The following RNF150 variants were observed in gnomAD, a reference collection of about 807,000 sequenced individuals.
RNF150 encodes the protein ring finger protein 150.
RNF150 carries 24 observed loss-of-function variants against 39.3 expected under a neutral mutation model. The ratio of observed to expected loss-of-function variants is 0.61; its 90% confidence interval spans 0.44 to 0.86. The LOEUF is 0.86. RNF150 is among the 40% of genes least tolerant of loss of function. The pLI is 0.00. For synonymous variants in RNF150, 255 were observed against 227.3 expected, an observed-to-expected ratio of 1.12 and a Z score of -1.10; for missense variants, 502 against 587.8, an observed-to-expected ratio of 0.85 and a Z score of 1.51.
At chr4:140,969,515 T>C (rs947269851) in intron 1 of RNF150, among the ~76,000 whole-genome samples, 2 of 152,142 alleles carry the variant, frequency 1.3e-5, no homozygotes, top group African/African-American at 2.4e-5. Context: ...GTTTTGTCTC[T>C]AAAGAAACAT....
At chr4:141,006,948 T>C (rs912476669) in intron 1 of RNF150, among the ~76,000 whole-genome samples, 4 of 152,326 alleles carry the variant, frequency 2.6e-5, no homozygotes, top group Middle Eastern at 3.4e-3. Flanking sequence ...AATATAGATA[T>C]CTGTAAGAAA....
At chr4:140,927,292 C>T (rs1282112481) in intron 4 of RNF150, among the ~76,000 whole-genome samples, 1 of 152,168 alleles carries the variant, frequency 6.6e-6, no homozygotes, top group Non-Finnish European at 1.5e-5. Context: ...TGAAGATGCC[C>T]TGCAGATTTA....
chr4:141,139,180 C>CT (rs1408248106), intron 1 of RNF150, among the ~76,000 whole-genome samples: 1 of 152,184 alleles, frequency 6.6e-6, no homozygotes, highest in Admixed American at 6.5e-5. Flanking sequence ...AATCACGCCA[C>CT]TGTACTCCAG....
intron 1 of RNF150, among the ~76,000 whole-genome samples, chr4:141,081,104 C>T (rs1738133965): frequency 6.6e-6 from 1 of 152,142 alleles, no homozygotes; most frequent in African/African-American, 2.4e-5. Context: ...TCCATTACTG[C>T]CATAATATCA....
chr4:141,097,782 T>A (rs1210084808), intron 1 of RNF150, among the ~76,000 whole-genome samples: 3 of 152,214 alleles, frequency 2.0e-5, no homozygotes, highest in Admixed American at 6.5e-5. Context: ...TCTATTGGGA[T>A]GTTTGACCTT....
intron 6 of RNF150, among the ~76,000 whole-genome samples, chr4:140,876,759 C>A (rs1358226624): frequency 6.6e-6 from 1 of 152,218 alleles, no homozygotes; most frequent in Non-Finnish European, 1.5e-5. Context: ...AATGGCAGAG[C>A]TACTAGAGTT....
chr4:141,167,781 C>T (rs111297393), intron 1 of RNF150, among the ~76,000 whole-genome samples: 3 of 152,062 alleles, frequency 2.0e-5, no homozygotes, highest in African/African-American at 7.2e-5. Context: ...ACACCTTATA[C>T]AAAAATTAAC....
At chr4:141,000,100 AGAAGAAGAG>A (rs1734608878) in intron 1 of RNF150, among the ~76,000 whole-genome samples, 2 of 136,566 alleles carry the variant, frequency 1.5e-5, no homozygotes, top group Admixed American at 7.4e-5. Flanking sequence ...AAGAAGAAGA[AGAAGAAGAG>A]GAGGAAGAAG....
chr4:141,170,678 C>T (rs776453899), intron 1 of RNF150, among the ~76,000 whole-genome samples: 20 of 152,016 alleles, frequency 1.3e-4, no homozygotes, highest in Non-Finnish European at 2.8e-4. Context: ...GGAAGTCTAC[C>T]GTTCAGAGAT....
chr4:141,014,889 T>C (rs1360944590), intron 1 of RNF150, among the ~76,000 whole-genome samples: 2 of 152,362 alleles, frequency 1.3e-5, no homozygotes, highest in Non-Finnish European at 1.5e-5. Context: ...CCAAAAATCA[T>C]TGCCTAGACC....
At chr4:141,188,937 A>T (rs773144667) in intron 1 of RNF150, among the ~76,000 whole-genome samples, 3 of 152,146 alleles carry the variant, frequency 2.0e-5, no homozygotes, top group Non-Finnish European at 4.4e-5. Context: ...AGGAGTTATG[A>T]TCCTTTGGAG....
chr4:140,931,516 A>C (rs546169044), intron 4 of RNF150, among the ~76,000 whole-genome samples: 1 of 152,208 alleles, frequency 6.6e-6, no homozygotes, highest in African/African-American at 2.4e-5. Context: ...TAGGGAAAGG[A>C]TCTGGAGTTG....
intron 1 of RNF150, among the ~76,000 whole-genome samples, chr4:141,102,400 G>A (rs1739044133): frequency 6.6e-6 from 1 of 152,102 alleles, no homozygotes; most frequent in Non-Finnish European, 1.5e-5. Flanking sequence ...TTTCCTAAAG[G>A]TTATTAACAT....
At position 140,860,056 on chromosome 4, in the gene RNF150, C is replaced by T. The variant is rs935936616; in HGVS notation, c.*8205G>A. 1.3e-5 allele frequency: 2 copies of T among 151,974 alleles called. No individual in the cohort carries two copies. The highest frequency in any genetic ancestry group is 2.4e-5 in the African/African-American group (1 of 41,358). The allele number at this position is 151,974 out of a possible 1,614,324, so 9.4% of individuals were successfully genotyped here. On this transcript the variant is annotated 3_prime_UTR_variant, in exon 7 of 7. Coordinates refer to ENST00000515673, the MANE Select transcript of RNF150 (RefSeq NM_020724.2). ...TTATGAGACAAGTTGATTACGCTCT[C>T]CAAGTACAAAGAGAATAGAATAAAG...
At chr4:141,073,961 G>A (rs1000937632) in intron 1 of RNF150, among the ~76,000 whole-genome samples, 6 of 151,968 alleles carry the variant, frequency 3.9e-5, no homozygotes, top group Non-Finnish European at 7.4e-5. Flanking sequence ...CCAAGCAAGG[G>A]GGTGATTCCT....
At chr4:141,145,553 A>C (rs1231123683) in intron 1 of RNF150, among the ~76,000 whole-genome samples, 1 of 152,138 alleles carries the variant, frequency 6.6e-6, no homozygotes, top group African/African-American at 2.4e-5. Flanking sequence ...ATTCATGTGA[A>C]TAGTATAGCT....
chr4:141,012,411 A>C (rs1735105636), intron 1 of RNF150, among the ~76,000 whole-genome samples: 1 of 152,264 alleles, frequency 6.6e-6, no homozygotes, highest in Admixed American at 6.5e-5. Context: ...TACTATTACA[A>C]TATGGTGTGT....
chr4:141,080,816 A>G (rs1293048685), intron 1 of RNF150, among the ~76,000 whole-genome samples: 1 of 152,188 alleles, frequency 6.6e-6, no homozygotes. Flanking sequence ...CCCCCAGGGA[A>G]GGCACCAGTA....
chr4:141,170,101 T>G (rs1405998003), intron 1 of RNF150, among the ~76,000 whole-genome samples: 5 of 152,214 alleles, frequency 3.3e-5, no homozygotes, highest in Non-Finnish European at 5.9e-5. Context: ...GTTACAGAAC[T>G]ATGGAATCAT....
Sources: gnomAD v4.1 joint callset for allele counts (sites outside exome capture counted in the v4.1 genomes callset) on GRCh38, gnomAD v4.1.1 for gene constraint, MANE v1.5 for transcripts, NCBI Gene and HGNC (gene_info 2026-07-23, HGNC 2026-07-21) for gene names.